Variants in SWAP70 observed in about 807,000 individuals in gnomAD.
The protein encoded by SWAP70 is switch-associated protein 70.
A neutral mutation model predicts 80.2 loss-of-function variants in SWAP70; 34 were observed. The ratio of observed to expected loss-of-function variants is 0.42; its 90% CI spans 0.32 to 0.56. SWAP70 has a LOEUF of 0.56. Ranked by LOEUF, SWAP70 falls within the 20% of genes least tolerant of loss-of-function variation. The pLI, the probability that SWAP70 is intolerant of heterozygous loss-of-function variation, is 0.09. For synonymous variants in SWAP70, 239 were observed against 238.5 expected (o/e 1.00, Z -0.02); for missense variants, 578 against 690.7 (o/e 0.84, Z 1.83).
chr11:9,669,931 T>TGGCCAC (rs1385303854), intron 1 of SWAP70, among the ~76,000 whole-genome samples: 11 of 152,050 alleles, frequency 7.2e-5, no homozygotes, highest in Non-Finnish European at 1.5e-4. Context: ...AGTTCAAGAC[T>TGGCCAC]AGTGTGGCCA....
intron 9 of SWAP70, chr11:9,741,516 A>G (rs996897784): frequency 6.6e-6 from 1 of 152,186 alleles, no homozygotes; most frequent in Admixed American, 6.5e-5. Context: ...GTGACGTTCT[A>G]CATGACACTC....
intron 2 of SWAP70, among the ~76,000 whole-genome samples, chr11:9,713,026 G>A (rs1851019354): frequency 1.3e-5 from 2 of 152,114 alleles, no homozygotes; most frequent in Admixed American, 1.3e-4. Flanking sequence ...TAAAGATAAT[G>A]TACCTGTACT....
intron 3 of SWAP70, among the ~76,000 whole-genome samples, chr11:9,715,462 C>A (rs1851054654): frequency 6.6e-6 from 1 of 152,192 alleles, no homozygotes; most frequent in South Asian, 2.1e-4. Context: ...CCATGGAACA[C>A]ATCTGGTCCT....
intron 3 of SWAP70, among the ~76,000 whole-genome samples, chr11:9,717,331 A>G (rs948222224): frequency 2.0e-5 from 3 of 152,164 alleles, no homozygotes; most frequent in Non-Finnish European, 4.4e-5. Flanking sequence ...GAATTGTGCA[A>G]ATAAAATTTA....
intron 6 of SWAP70, 32 bp downstream of exon 6, chr11:9,729,483 T>A (rs376135916): frequency 6.7e-7 from 1 of 1,486,984 alleles, no homozygotes. Context: ...TGCCATGATA[T>A]AACTTGAAAG....
chr11:9,736,207 A>G (rs901932591), intron 7 of SWAP70, among the ~76,000 whole-genome samples: 1 of 151,636 alleles, frequency 6.6e-6, no homozygotes, highest in Non-Finnish European at 1.5e-5. Flanking sequence ...TTTTTCTGTG[A>G]TTTATATCTC....
At position 9,696,611 on chromosome 11, in the gene SWAP70, A is replaced by T. The variant is rs1049907839; in HGVS notation, c.240+2325A>T. Among the ~76,000 whole-genome samples the T allele has an allele frequency of 5.9e-5, 9 of 152,262 alleles. No individual in the cohort carries two copies. In the South Asian group the frequency reaches 6.2e-4, roughly 11 times the overall value. Reference sequence around the variant, plus strand: ...TATACATACAGCTCTGCAACTTTTTAAAAAAAGGTTTTTTTATGTGACCAG... The same window carrying T: ...TATACATACAGCTCTGCAACTTTTTTAAAAAAGGTTTTTTTATGTGACCAG... On this transcript the variant is annotated intron_variant, in intron 2 of 11. Coordinates refer to ENST00000318950, the MANE Select transcript of SWAP70 (RefSeq NM_015055.4).
At chr11:9,671,119 ATATAAATATATT>A (rs1565108974) in intron 1 of SWAP70, among the ~76,000 whole-genome samples, 2 of 135,854 alleles carry the variant, frequency 1.5e-5, no homozygotes, top group African/African-American at 2.9e-5. Flanking sequence ...ATAAAAATAT[ATATAAATATATT>A]TATAAATATA....
chr11:9,688,855 G>A (rs1312229784), intron 1 of SWAP70, among the ~76,000 whole-genome samples: 1 of 152,190 alleles, frequency 6.6e-6, no homozygotes, highest in Non-Finnish European at 1.5e-5. Flanking sequence ...GTCCATGCGG[G>A]AATGGGCAGG....
intron 3 of SWAP70, chr11:9,720,515 A>T: frequency 4.1e-6 from 4 of 983,818 alleles, no homozygotes; most frequent in Non-Finnish European, 4.8e-6. Flanking sequence ...CTGATTCTTG[A>T]CTTGTGCCAG....
intron 1 of SWAP70, among the ~76,000 whole-genome samples, chr11:9,685,651 C>T (rs376365356): frequency 2.6e-5 from 4 of 151,108 alleles, no homozygotes; most frequent in East Asian, 1.9e-4. Flanking sequence ...TTTTTTGAGA[C>T]GGAGTCTTGT....
At chr11:9,669,438 C>T (rs955353776) in intron 1 of SWAP70, among the ~76,000 whole-genome samples, 1 of 152,126 alleles carries the variant, frequency 6.6e-6, no homozygotes, top group Non-Finnish European at 1.5e-5. Context: ...CCATGTTGGC[C>T]AGGCTGGTCT....
chr11:9,749,732 C>T (rs1238741635), intron 11 of SWAP70, 132 bp from the exon 12 acceptor site: 1 of 595,822 alleles, frequency 1.7e-6, no homozygotes, highest in African/African-American at 1.9e-5. Context: ...ATTGTTTTAG[C>T]TGGTATGACA....
chr11:9,709,828 A>G (rs1040289156), intron 2 of SWAP70, among the ~76,000 whole-genome samples: 1 of 152,206 alleles, frequency 6.6e-6, no homozygotes, highest in African/African-American at 2.4e-5. Context: ...CTTAACTCCT[A>G]ATAGCCTACT....
chr11:9,742,882 TCC>T (rs1851458930), intron 9 of SWAP70, among the ~76,000 whole-genome samples: 2 of 83,686 alleles, frequency 2.4e-5, no homozygotes, highest in Non-Finnish European at 4.6e-5. Flanking sequence ...CTCTTCTCAC[TCC>T]TTTTTTTTTT....
intron 1 of SWAP70, among the ~76,000 whole-genome samples, chr11:9,688,014 A>C (rs1213209980): frequency 6.6e-6 from 1 of 152,224 alleles, no homozygotes; most frequent in Non-Finnish European, 1.5e-5. Flanking sequence ...CAGAGAGCTA[A>C]GAGATTTGAG....
At chr11:9,746,062 A>C (rs773780712) in intron 9 of SWAP70, among the ~76,000 whole-genome samples, 2 of 152,124 alleles carry the variant, frequency 1.3e-5, no homozygotes, top group Non-Finnish European at 2.9e-5. Context: ...GCTGTCACTC[A>C]ACACTGCATA....
intron 7 of SWAP70, among the ~76,000 whole-genome samples, chr11:9,732,927 C>T (rs1222235860): frequency 2.0e-5 from 3 of 149,168 alleles, no homozygotes; most frequent in South Asian, 2.1e-4. Context: ...AAAAACATTT[C>T]ATTGGCTAGG....
intron 9 of SWAP70, among the ~76,000 whole-genome samples, chr11:9,744,213 C>T (rs1015151384): frequency 5.3e-5 from 8 of 152,192 alleles, no homozygotes; most frequent in South Asian, 2.1e-4. Context: ...CCACCCGCCT[C>T]GGCCTCCCAA....
Sources: allele counts gnomAD v4.1 joint callset (sites outside exome capture counted in the v4.1 genomes callset), GRCh38; gene constraint gnomAD v4.1.1; transcripts MANE v1.5; gene names NCBI Gene and HGNC (gene_info 2026-07-23, HGNC 2026-07-21).